Variants in COL4A2 observed in about 807,000 individuals in gnomAD.
COL4A2 encodes the protein collagen type IV alpha 2 chain.
Under a neutral mutation model 200.2 loss-of-function variants are expected in COL4A2, and 99 were observed. That is an observed-to-expected ratio of 0.49 (90% CI 0.42 to 0.58). The LOEUF (loss-of-function observed/expected upper bound fraction) is 0.58, where lower values mean the gene tolerates loss of function less well. COL4A2 is among the 20% of genes least tolerant of loss of function. The pLI, the probability that COL4A2 is intolerant of heterozygous loss-of-function variation, is 0.00. For synonymous variants in COL4A2, 897 were observed against 900.6 expected (o/e 1.00, Z 0.07); for missense variants, 1,950 against 2,314.1 (o/e 0.84, Z 3.23).
intron 3 of COL4A2, among the ~76,000 whole-genome samples, chr13:110,326,618 G>C (rs1427647669): frequency 6.6e-6 from 1 of 152,132 alleles, no homozygotes; most frequent in Non-Finnish European, 1.5e-5. Flanking sequence ...GGCCCTTCTT[G>C]GGCCCTGCAG....
At position 110,449,841 on chromosome 13, in the gene COL4A2, G is replaced by A. The variant is rs563368015; in HGVS notation, c.1189+52G>A. 1.4e-4 allele frequency: 216 copies of A among 1,511,330 alleles called. 1 individual carries two copies. In the Middle Eastern group the frequency reaches 2.8e-3, roughly 20 times the overall value. 93.6% of individuals were successfully genotyped at this position (1,511,330 alleles called of 1,614,324 possible). On this transcript the variant is annotated intron_variant, in intron 19 of 47. Coordinates refer to ENST00000360467, the MANE Select transcript of COL4A2 (RefSeq NM_001846.4). ...CGGAGACCCAAAGCACCTGCACTCAGGTCCTAGCACACACAAGGGAGACTT... is the reference window on the plus strand; with the variant it reads ...CGGAGACCCAAAGCACCTGCACTCAAGTCCTAGCACACACAAGGGAGACTT...
chr13:110,508,055 C>T lies in COL4A2; in HGVS notation c.4715C>T (p.Pro1572Leu), dbSNP rs2139560168. The change falls in exon 47 of 48, where the codon CCG becomes CTG. Residue 1572 changes from proline (P) to leucine (L), a missense_variant. Physicochemically the swap from Pro to Leu is moderately conservative, Grantham distance 98. Transcript: ENST00000360467. This position sits in a 1 kb window ranked among gnomAD's most constrained non-coding sequence, Gnocchi z 6.1. ...DKSYWLSTTA[P>L]LPMMPVAEDE... is the part of the protein sequence containing the mutation. Reference sequence around the variant, plus strand: ...TCCTACTGGCTCTCTACCACTGCGCCGCTGCCCATGATGCCCGTGGCCGAG... The same window carrying T: ...TCCTACTGGCTCTCTACCACTGCGCTGCTGCCCATGATGCCCGTGGCCGAG... 1.2e-6 allele frequency: 2 copies of T among 1,614,248 alleles called. No homozygotes were observed. Among genetic ancestry groups the T allele is most frequent in the East Asian group, 2.2e-5 (1 of 44,880 alleles).
At chr13:110,509,421 G>C (rs1424421315) in intron 47 of COL4A2, among the ~76,000 whole-genome samples, 1 of 152,076 alleles carries the variant, frequency 6.6e-6, no homozygotes, top group Non-Finnish European at 1.5e-5. Context: ...TCGTTGCTAT[G>C]ATAAGTTGGA....
intron 4 of COL4A2, among the ~76,000 whole-genome samples, chr13:110,423,661 C>A (rs914637761): frequency 6.6e-6 from 1 of 152,158 alleles, no homozygotes; most frequent in African/African-American, 2.4e-5. Flanking sequence ...AATCCATCTC[C>A]AGAACTTTCT....
At chr13:110,317,338 CCA>C (rs759383415) in intron 3 of COL4A2, among the ~76,000 whole-genome samples, 21 of 150,038 alleles carry the variant, frequency 1.4e-4, no homozygotes, top group African/African-American at 2.4e-4. Context: ...ACACTTGCAC[CCA>C]CACACACACA....
In COL4A2 at chr13:110,381,288, G is replaced by A. The variant is rs181969385; in HGVS notation, c.180+23736G>A. Among the ~76,000 whole-genome samples, 358 of 151,758 alleles carry A rather than the reference G, an allele frequency of 2.4e-3. 1 individual carries two copies. The highest frequency in any genetic ancestry group is 4.1e-3 in the Non-Finnish European group (278 of 67,888). On this transcript the variant is annotated intron_variant, in intron 4 of 47. Coordinates refer to ENST00000360467, the MANE Select transcript of COL4A2 (RefSeq NM_001846.4). The stretch of plus-strand genomic sequence containing the variant: ...CCACGGACTCTATCTCACGCCCACC[G>A]GCTCTATGTCACACCCACCGGCTCT...
chr13:110,459,111 C>T (rs1881912602), intron 22 of COL4A2, 177 bp downstream of exon 22: 4 of 551,098 alleles, frequency 7.3e-6, no homozygotes, highest in East Asian at 3.3e-5. Context: ...TTCTACATGT[C>T]CACTGGTGAG....
intron 3 of COL4A2, among the ~76,000 whole-genome samples, chr13:110,355,388 G>GT (rs1877164682): frequency 1.9e-5 from 2 of 107,174 alleles, no homozygotes; most frequent in Non-Finnish European, 3.7e-5. Flanking sequence ...CCTGTGTGGG[G>GT]GGAGGGCTGC....
chr13:110,339,452 A>G lies in COL4A2; in HGVS notation c.100-18020A>G, dbSNP rs995078506. ...GGAGCAGGGGCTTCCCTGACCTTGG[A>G]AGCCTGGCCGGTCAGTCTCAAACGA... On this transcript the variant is annotated intron_variant, in intron 3 of 47. Transcript: ENST00000360467. Among the ~76,000 whole-genome samples, 42 of 152,224 alleles carry G rather than the reference A, an allele frequency of 2.8e-4. 1 individual carries two copies. In the South Asian group the frequency reaches 8.5e-3, roughly 31 times the overall value.
intron 41 of COL4A2, chr13:110,502,886 C>T (rs980817460): frequency 1.3e-5 from 6 of 460,794 alleles, no homozygotes; most frequent in South Asian, 5.5e-5. Flanking sequence ...TGGAGCTGGT[C>T]GGCGGTGAAG....
intron 4 of COL4A2, among the ~76,000 whole-genome samples, chr13:110,362,381 CT>C (rs773825128): frequency 1.8e-4 from 27 of 152,354 alleles, no homozygotes; most frequent in Non-Finnish European, 2.6e-4. Flanking sequence ...GTGCCCGCCC[CT>C]AGCACCTTTC....
intron 40 of COL4A2, among the ~76,000 whole-genome samples, chr13:110,496,638 T>A (rs2139542961): frequency 7.1e-6 from 1 of 141,568 alleles, no homozygotes; most frequent in South Asian, 2.6e-4. Context: ...CAGTCAAGGA[T>A]GAGGATCTAG....
At chr13:110,425,092 T>G (rs1282641269) in intron 6 of COL4A2, 95 bp downstream of exon 6, 4 of 1,478,080 alleles carry the variant, frequency 2.7e-6, no homozygotes, top group Non-Finnish European at 3.8e-6. Context: ...GAGACCTCCT[T>G]TTTTGTTTAT....
chr13:110,392,508 C>T (rs950170085), intron 4 of COL4A2, among the ~76,000 whole-genome samples: 18 of 152,142 alleles, frequency 1.2e-4, no homozygotes, highest in Admixed American at 5.2e-4. Flanking sequence ...CGGGGCTCTT[C>T]CGGCCCCTCT....
chr13:110,502,208 C>G (rs1255030261), intron 41 of COL4A2, among the ~76,000 whole-genome samples: 1 of 152,238 alleles, frequency 6.6e-6, no homozygotes, highest in Non-Finnish European at 1.5e-5. Flanking sequence ...AGCAGCACTA[C>G]TCACAAGCAC....
chr13:110,458,729 A>G, intron 21 of COL4A2, 42 bp from the exon 22 acceptor site: 1 of 1,612,126 alleles, frequency 6.2e-7, no homozygotes, highest in Non-Finnish European at 8.5e-7. Context: ...CCACGCTAAG[A>G]GGAATGCGGA....
intron 24 of COL4A2, chr13:110,463,407 A>G (rs1296308900): frequency 3.3e-5 from 5 of 152,316 alleles, no homozygotes; most frequent in South Asian, 2.1e-4. Flanking sequence ...ATAAGGTCAC[A>G]TGTCTAGGTC....
chr13:110,436,416 G>T, intron 13 of COL4A2, 49 bp downstream of exon 13: 3 of 1,584,446 alleles, frequency 1.9e-6, no homozygotes, highest in Non-Finnish European at 2.6e-6. Context: ...AAAAAGGAGA[G>T]TAAAAGTACA....
At chr13:110,386,570 G>A (rs1478848177) in intron 4 of COL4A2, among the ~76,000 whole-genome samples, 4 of 152,146 alleles carry the variant, frequency 2.6e-5, no homozygotes, top group African/African-American at 4.8e-5. Context: ...GGCAACTAGT[G>A]CACCATATGG....
Sources: allele counts gnomAD v4.1 joint callset (sites outside exome capture counted in the v4.1 genomes callset), GRCh38; gene constraint gnomAD v4.1.1; non-coding constraint Gnocchi (gnomAD v3.1); transcripts MANE v1.5; gene names NCBI Gene and HGNC (gene_info 2026-07-23, HGNC 2026-07-21).